Variants in CHD9 observed in about 807,000 individuals in gnomAD.
The protein encoded by CHD9 is chromodomain helicase DNA binding protein 9, also known as ATP-dependent chromatin remodeler CHD9.
CHD9 carries 77 observed loss-of-function variants against 316.1 expected under a neutral mutation model. The observed-to-expected ratio is 0.24, with a 90% CI of 0.20 to 0.29. The LOEUF (loss-of-function observed/expected upper bound fraction) is 0.29. Ranked by LOEUF, CHD9 falls within the 10% of genes least tolerant of loss-of-function variation. CHD9 has a pLI of 1.00. For missense variants in CHD9, 2,763 were observed against 3,438.1 expected (o/e 0.80, Z 4.91); for synonymous variants, 1,129 against 1,158.3 (o/e 0.97, Z 0.51).
intron 1 of CHD9, among the ~76,000 whole-genome samples, chr16:53,080,085 T>C (rs1201692670): frequency 6.6e-6 from 1 of 152,152 alleles, no homozygotes; most frequent in African/African-American, 2.4e-5. Flanking sequence ...GCCCTTAACC[T>C]GTGGAATCTC....
chr16:53,314,997 C>T lies in CHD9; in HGVS notation c.7537C>T (p.Leu2513Phe). Reference sequence around the variant, plus strand: ...AAAGAGAAAGGATTTGGAAAAATGGCTTAAGGAGCACCCGGGTTATGTGGA... The same window carrying T: ...AAAGAGAAAGGATTTGGAAAAATGGTTTAAGGAGCACCCGGGTTATGTGGA... ...APKRKDLEKW[L>F]KEHPGYVEDL... The change falls in exon 36 of 39, where the codon CTT becomes TTT. Residue 2513 changes from leucine to phenylalanine, a missense_variant. Around this residue, in one of 15 missense-constraint regions of CHD9, gnomAD observed 663 missense variants for 751.2 expected, o/e 0.88. Coordinates refer to ENST00000447540, the MANE Select transcript of CHD9 (RefSeq NM_001308319.2). 2 of 1,613,798 alleles carry T rather than the reference C, an allele frequency of 1.2e-6. No homozygotes were observed. The highest frequency in any genetic ancestry group is 1.7e-6 in the Non-Finnish European group (2 of 1,179,796).
At chr16:53,056,572 C>T (rs2032148659) in intron 1 of CHD9, among the ~76,000 whole-genome samples, 1 of 152,224 alleles carries the variant, frequency 6.6e-6, no homozygotes, top group African/African-American at 2.4e-5. Context: ...GCAGTCTGCT[C>T]TTGAGCTCAG....
At position 53,226,496 on chromosome 16, in the gene CHD9, C is replaced by G; in HGVS notation, c.2027C>G (p.Pro676Arg). ...KNSAPLPGEQ[P>R]LQLFVENPSE... is the part of the protein sequence containing the mutation. ...TCAGCTCCTTTACCTGGTGAACAGC[C>G]TTTACAATTGTTTGTGGTAAGCATA... The change falls in exon 5 of 39, where the codon CCT becomes CGT. Residue 676 changes from proline (P) to arginine (R), a missense_variant. By Grantham distance (103) the Pro-to-Arg change is moderately radical (BLOSUM62 -2). Transcript: ENST00000447540. The G allele has an allele frequency of 6.2e-7, 1 of 1,600,170 alleles. No individual in the cohort carries two copies. Among genetic ancestry groups the G allele is most frequent in the Non-Finnish European group, 8.5e-7 (1 of 1,176,734 alleles).
At chr16:53,269,008 T>G (rs2051960234) in intron 22 of CHD9, among the ~76,000 whole-genome samples, 2 of 152,054 alleles carry the variant, frequency 1.3e-5, no homozygotes, top group Admixed American at 6.6e-5. Context: ...GGTCCTACCA[T>G]GTTGCCCAGG....
chr16:53,212,006 TATTA>T (rs2046370555), intron 3 of CHD9, among the ~76,000 whole-genome samples: 2 of 152,230 alleles, frequency 1.3e-5, no homozygotes, highest in Non-Finnish European at 2.9e-5. Context: ...TTTATTTTTC[TATTA>T]ATTTTAGGAC....
intron 2 of CHD9, among the ~76,000 whole-genome samples, chr16:53,188,381 T>A (rs1173291730): frequency 6.6e-6 from 1 of 152,156 alleles, no homozygotes; most frequent in Non-Finnish European, 1.5e-5. Context: ...TTTGACCTTT[T>A]GGGTAACTTT....
At chr16:53,055,385 G>A (rs973889621) in intron 1 of CHD9, among the ~76,000 whole-genome samples, 8 of 152,140 alleles carry the variant, frequency 5.3e-5, no homozygotes, top group Non-Finnish European at 1.2e-4. Context: ...CCACTCCAGG[G>A]TGGCAGCCGA....
At chr16:53,323,969 C>T (rs931349690) in intron 38 of CHD9, 51 bp from the exon 39 acceptor site, 3 of 1,440,504 alleles carry the variant, frequency 2.1e-6, no homozygotes, top group African/African-American at 2.8e-5. Flanking sequence ...GCTAATAACT[C>T]TTTATTTTAT....
At chr16:53,167,451 A>G (rs1002676933) in intron 2 of CHD9, among the ~76,000 whole-genome samples, 1 of 152,144 alleles carries the variant, frequency 6.6e-6, no homozygotes, top group Non-Finnish European at 1.5e-5. Flanking sequence ...TCTATATTAT[A>G]ATTTCAGAGA....
intron 8 of CHD9, among the ~76,000 whole-genome samples, chr16:53,229,426 G>A (rs1282917408): frequency 6.6e-6 from 1 of 152,068 alleles, no homozygotes; most frequent in African/African-American, 2.4e-5. Context: ...AATCTAGCAA[G>A]TAAATGGAAA....
At chr16:53,075,922 C>T (rs2034484285) in intron 1 of CHD9, among the ~76,000 whole-genome samples, 2 of 152,202 alleles carry the variant, frequency 1.3e-5, no homozygotes, top group Admixed American at 1.3e-4. Context: ...CTCACCAACA[C>T]TTGTTATTTT....
At chr16:53,234,071 G>C (rs1226196876) in intron 10 of CHD9, among the ~76,000 whole-genome samples, 1 of 152,042 alleles carries the variant, frequency 6.6e-6, no homozygotes, top group East Asian at 1.9e-4. Context: ...TATGCTTCTA[G>C]ATTTCTTTTG....
chr16:53,274,385 C>A, intron 24 of CHD9, 83 bp downstream of exon 24: 1 of 704,662 alleles, frequency 1.4e-6, no homozygotes, highest in Non-Finnish European at 2.3e-6. Context: ...AGCGATCCTC[C>A]CACCTCTGCC....
intron 1 of CHD9, among the ~76,000 whole-genome samples, chr16:53,071,704 G>C (rs540954844): frequency 6.6e-6 from 1 of 152,286 alleles, no homozygotes; most frequent in African/African-American, 2.4e-5. Flanking sequence ...AAGAAAGAGA[G>C]CCATCAGCTC....
chr16:53,063,840 T>G (rs540108041), intron 1 of CHD9, among the ~76,000 whole-genome samples: 271 of 151,572 alleles, frequency 1.8e-3, no homozygotes, highest in Middle Eastern at 6.8e-3. Flanking sequence ...CTTTTTTTTT[T>G]TTTTTTTTAA....
chr16:53,275,216 C>T (rs747637910), intron 24 of CHD9, among the ~76,000 whole-genome samples: 4 of 151,878 alleles, frequency 2.6e-5, no homozygotes, highest in African/African-American at 7.3e-5. Context: ...TTAGTAGAGA[C>T]GAGGTTTCAC....
intron 1 of CHD9, among the ~76,000 whole-genome samples, chr16:53,111,580 G>A (rs200305149): frequency 6.4e-4 from 97 of 152,208 alleles, no homozygotes; most frequent in African/African-American, 2.1e-3. Context: ...CTTACCACTA[G>A]CTCCAACCCC....
intron 1 of CHD9, among the ~76,000 whole-genome samples, chr16:53,136,634 C>T (rs1170018981): frequency 2.0e-5 from 3 of 151,236 alleles, no homozygotes; most frequent in Non-Finnish European, 4.4e-5. Flanking sequence ...AACGGAGGTA[C>T]AGAGAAACTG....
intron 11 of CHD9, among the ~76,000 whole-genome samples, chr16:53,237,748 A>G (rs2048752361): frequency 1.3e-5 from 2 of 152,092 alleles, no homozygotes; most frequent in Non-Finnish European, 2.9e-5. Flanking sequence ...TATCATAATC[A>G]TCTGTGAAGC....
Sources: allele counts gnomAD v4.1 joint callset (sites outside exome capture counted in the v4.1 genomes callset), GRCh38; gene constraint gnomAD v4.1.1; regional missense constraint gnomAD v4.1.1; transcripts MANE v1.5; gene names NCBI Gene and HGNC (gene_info 2026-07-23, HGNC 2026-07-21).